Variants in ZDHHC12 observed in about 807,000 individuals in gnomAD.
The protein encoded by ZDHHC12 is zDHHC palmitoyltransferase 12.
In ZDHHC12, 26 loss-of-function variants were observed where a neutral mutation model predicts 33.2. The observed-to-expected ratio is 0.78, with a 90% CI of 0.57 to 1.09. ZDHHC12 has a LOEUF of 1.09. Among genes scored for constraint, ZDHHC12 ranks in the 50% least tolerant of loss-of-function variants. The probability of loss-of-function intolerance (pLI) is 0.00; values close to 1 mark genes in which losing one functional copy is unlikely to be tolerated. For missense variants in ZDHHC12, 350 were observed against 353.0 expected, an observed-to-expected ratio of 0.99 and a Z score of 0.07; for synonymous variants, 154 against 152.1, an observed-to-expected ratio of 1.01 and a Z score of -0.09.
Position 128,722,352 on chromosome 9 carries a change from C to T in ZDHHC12, c.237+86G>A, listed in dbSNP as rs1390580716. The T allele has an allele frequency of 9.0e-6, 13 of 1,438,256 alleles. No homozygotes were observed. Among genetic ancestry groups the T allele is most frequent in the Non-Finnish European group, 1.1e-5 (12 of 1,086,796 alleles). 89.1% of individuals were successfully genotyped at this position (1,438,256 alleles called of 1,614,324 possible). ...GCAAGAGGAGTCACTGAACTGCTCC[C>T]ACAAGAGCCTGCAGCACAGAGCCTG... On this transcript the variant is annotated intron_variant, in intron 2 of 4. Coordinates refer to ENST00000372663, the MANE Select transcript of ZDHHC12 (RefSeq NM_032799.5). This position sits in a 1 kb window ranked among gnomAD's most constrained non-coding sequence, Gnocchi z 4.2.
chr9:128,722,384 A>G lies in ZDHHC12; in HGVS notation c.237+54T>C. 1.4e-6 allele frequency: 2 copies of G among 1,456,996 alleles called. No homozygotes were observed. Among genetic ancestry groups the G allele is most frequent in the Non-Finnish European group, 1.8e-6 (2 of 1,102,080 alleles). The allele number at this position is 1,456,996 out of a possible 1,614,324, so 90.3% of individuals were successfully genotyped here. On this transcript the variant is annotated intron_variant, in intron 2 of 4. Coordinates refer to ENST00000372663, the MANE Select transcript of ZDHHC12 (RefSeq NM_032799.5). The surrounding 1 kb of genome is among the most constrained non-coding windows in gnomAD (Gnocchi z 4.2). ...GCCTGCAGCACAGAGCCTGGCATGG[A>G]GACTGGTGCTGGTTGTTAGGTCCCT...
At position 128,722,489 on chromosome 9, in the gene ZDHHC12, G is replaced by A. The variant is rs752444458; in HGVS notation, c.186C>T (p.Leu62=). Residue 62 remains leucine (L), a synonymous_variant, in exon 2 of 5, where the codon CTC becomes CTT. Transcript: ENST00000372663. This position sits in a 1 kb window ranked among gnomAD's most constrained non-coding sequence, Gnocchi z 4.2. ...LLVLGSLLLY[L]AVSLMDPGYV... Reference sequence around the variant, plus strand: ...AGCCAGGGTCCATGAGTGACACAGCGAGGTAGAGCAGCAGGGAGCCCAGCA... The same window carrying A: ...AGCCAGGGTCCATGAGTGACACAGCAAGGTAGAGCAGCAGGGAGCCCAGCA... 10 of 1,570,876 alleles carry A rather than the reference G, an allele frequency of 6.4e-6. No homozygotes were observed. The highest frequency in any genetic ancestry group is 1.8e-4 in the Middle Eastern group (1 of 5,682).
In ZDHHC12 at chr9:128,721,751, G is replaced by C. The variant is rs1211339609; in HGVS notation, c.382C>G (p.Pro128Ala). 6.2e-7 allele frequency: 1 copy of C among 1,613,746 alleles called. No homozygotes were observed. Among genetic ancestry groups the C allele is most frequent in the Non-Finnish European group, 8.5e-7 (1 of 1,180,006 alleles). ...RCVRRYDHHC[P>A]WMENCVGERN... ...TCTCCCACACAGTTCTCCATCCAGG[G>C]GCAGTGGTGGTCGTAGCGGCGGACG... The change falls in exon 4 of 5, where the codon CCC becomes GCC. Residue 128 changes from proline to alanine, a missense_variant. Physicochemically the swap from Pro to Ala is conservative, Grantham distance 27. Transcript: ENST00000372663. The surrounding 1 kb of genome is among the most constrained non-coding windows in gnomAD (Gnocchi z 6.9).
chr9:128,722,072 C>G lies in ZDHHC12; in HGVS notation c.252G>C (p.Glu84Asp), dbSNP rs1229221078. 5 of 1,613,926 alleles carry G rather than the reference C, an allele frequency of 3.1e-6. No individual in the cohort carries two copies. Among genetic ancestry groups the G allele is most frequent in the Non-Finnish European group, 3.4e-6 (4 of 1,180,000 alleles). The change falls in exon 3 of 5, where the codon GAG (glutamate) becomes GAC (aspartate). Residue 84 changes from glutamate to aspartate, a missense_variant. Physicochemically the swap from Glu to Asp is conservative, Grantham distance 45. Coordinates refer to ENST00000372663, the MANE Select transcript of ZDHHC12 (RefSeq NM_032799.5). This position sits in a 1 kb window ranked among gnomAD's most constrained non-coding sequence, Gnocchi z 4.2. ...CTGGAGGAACCATGGCTGTCTGCTCCTCTTTGAGCTCCTCCTGGAATGAGG... is the reference window on the plus strand; with the variant it reads ...CTGGAGGAACCATGGCTGTCTGCTCGTCTTTGAGCTCCTCCTGGAATGAGG... Reference protein sequence around the residue: ...VQPQPQEELKEEQTAMVPPAI... With the variant: ...VQPQPQEELKDEQTAMVPPAI...
Position 128,722,215 on chromosome 9 carries a change from G to A in ZDHHC12, c.238-129C>T. 2 of 1,246,578 alleles carry A rather than the reference G, an allele frequency of 1.6e-6. No homozygotes were observed. Among genetic ancestry groups the A allele is most frequent in the Non-Finnish European group, 2.3e-6 (2 of 876,376 alleles). 77.2% of individuals were successfully genotyped at this position (1,246,578 alleles called of 1,614,324 possible). A position where few individuals can be genotyped will look rare whatever the true frequency, so the allele number is the denominator to read the frequency against. Reference sequence around the variant, plus strand: ...GACCCATCCCATGCAGAATGGAGGTGTGGGGTATGGCGGAGCACCCTGGAC... The same window carrying A: ...GACCCATCCCATGCAGAATGGAGGTATGGGGTATGGCGGAGCACCCTGGAC... On this transcript the variant is annotated intron_variant, in intron 2 of 4. Transcript: ENST00000372663. This position sits in a 1 kb window ranked among gnomAD's most constrained non-coding sequence, Gnocchi z 4.2.
rs41275916 is a variant in ZDHHC12, at chr9:128,722,131, A to G, written c.238-45T>C. Reference sequence around the variant, plus strand: ...GTAAGACAGGGTCCCCTTGGGAGACAGATGGCATTGGCGGGCAGCTCCCCT... The same window carrying G: ...GTAAGACAGGGTCCCCTTGGGAGACGGATGGCATTGGCGGGCAGCTCCCCT... On this transcript the variant is annotated intron_variant, in intron 2 of 4. Transcript: ENST00000372663. The surrounding 1 kb of genome is among the most constrained non-coding windows in gnomAD (Gnocchi z 4.2). 33,401 of 1,611,128 alleles carry G rather than the reference A, an allele frequency of 0.021. 424 individuals are homozygous for G. The highest frequency in any genetic ancestry group is 0.024 in the Non-Finnish European group (28,517 of 1,177,624).
Position 128,724,097 on chromosome 9 carries a change from C to G in ZDHHC12, c.-4G>C, listed in dbSNP as rs753201772. The G allele has an allele frequency of 2.6e-6, 4 of 1,564,688 alleles. No individual in the cohort carries two copies. Among genetic ancestry groups the G allele is most frequent in the Non-Finnish European group, 3.5e-6 (4 of 1,151,816 alleles). ...TGAGGAGCGCCCAGGGCGCCATCGC[C>G]TCGGCCCGGGGCCCCACCCGGAAGA... On this transcript the variant is annotated 5_prime_UTR_variant, in exon 1 of 5. Coordinates refer to ENST00000372663, the MANE Select transcript of ZDHHC12 (RefSeq NM_032799.5).
rs369306989 is a variant in ZDHHC12, at chr9:128,724,088, C to T, written c.6G>A (p.Ala2=). 8.9e-6 allele frequency: 14 copies of T among 1,579,412 alleles called. No homozygotes were observed. The highest frequency in any genetic ancestry group is 1.4e-5 in the African/African-American group (1 of 73,886). The change falls in exon 1 of 5, where the codon GCG becomes GCA. Residue 2 remains alanine, a synonymous_variant. Coordinates refer to ENST00000372663, the MANE Select transcript of ZDHHC12 (RefSeq NM_032799.5). M[A]PWALLSPGVL... is the part of the protein sequence containing the mutation. ...CCCCAGGGCTGAGGAGCGCCCAGGG[C>T]GCCATCGCCTCGGCCCGGGGCCCCA...
Position 128,722,609 on chromosome 9 carries a change from G to T in ZDHHC12, c.101-35C>A. 6.3e-7 allele frequency: 1 copy of T among 1,580,416 alleles called. No individual in the cohort carries two copies. The highest frequency in any genetic ancestry group is 1.2e-5 in the South Asian group (1 of 86,648). On this transcript the variant is annotated intron_variant, in intron 1 of 4. Coordinates refer to ENST00000372663, the MANE Select transcript of ZDHHC12 (RefSeq NM_032799.5). The surrounding 1 kb of genome is among the most constrained non-coding windows in gnomAD (Gnocchi z 4.2). ...CCGGAGAGCACAGTGAGGCTGGGCC[G>T]GGTAGAACAGGAGTGGGTGGGGTTG... is the stretch of plus-strand genomic sequence containing the variant.
In ZDHHC12 at chr9:128,724,110, C is replaced by T. The variant is rs1862657518; in HGVS notation, c.-17G>A. On this transcript the variant is annotated 5_prime_UTR_variant, in exon 1 of 5. Coordinates refer to ENST00000372663, the MANE Select transcript of ZDHHC12 (RefSeq NM_032799.5). ...GGGCGCCATCGCCTCGGCCCGGGGC[C>T]CCACCCGGAAGAAGCGCCCAGAGGG... is the stretch of plus-strand genomic sequence containing the variant. 5 of 1,528,626 alleles carry T rather than the reference C, an allele frequency of 3.3e-6. No individual in the cohort carries two copies. The highest frequency in any genetic ancestry group is 1.8e-4 in the Middle Eastern group (1 of 5,506). 94.7% of individuals were successfully genotyped at this position (1,528,626 alleles called of 1,614,324 possible).
chr9:128,722,314 G>C lies in ZDHHC12; in HGVS notation c.237+124C>G, dbSNP rs760029505. 3.3e-5 allele frequency: 42 copies of C among 1,266,466 alleles called. No individual in the cohort carries two copies. The highest frequency in any genetic ancestry group is 5.6e-5 in the Admixed American group (2 of 35,470). The allele number at this position is 1,266,466 out of a possible 1,614,324, so 78.5% of individuals were successfully genotyped here. On this transcript the variant is annotated intron_variant, in intron 2 of 4. Coordinates refer to ENST00000372663, the MANE Select transcript of ZDHHC12 (RefSeq NM_032799.5). The surrounding 1 kb of genome is among the most constrained non-coding windows in gnomAD (Gnocchi z 4.2). ...GCAGTTTCCTCACTACTGTAGATGG[G>C]GCTCTAGGGGTGGCAAGAGGAGTCA...
chr9:128,722,649 G>T lies in ZDHHC12; in HGVS notation c.101-75C>A. On this transcript the variant is annotated intron_variant, in intron 1 of 4. Transcript: ENST00000372663. The surrounding 1 kb of genome is among the most constrained non-coding windows in gnomAD (Gnocchi z 4.2). ...GGGTGGGGTTGGGGTGCAGTTGGAG[G>T]TGGGGAAGTGTGTTCCTGGCTGAGC... 6.5e-7 allele frequency: 1 copy of T among 1,541,980 alleles called. No homozygotes were observed. Among genetic ancestry groups the T allele is most frequent in the Admixed American group, 2.0e-5 (1 of 50,012 alleles).
chr9:128,722,833 G>A lies in ZDHHC12; in HGVS notation c.101-259C>T, dbSNP rs1862611005. 3 of 1,208,132 alleles carry A rather than the reference G, an allele frequency of 2.5e-6. No homozygotes were observed. Among genetic ancestry groups the A allele is most frequent in the Non-Finnish European group, 3.3e-6 (3 of 919,888 alleles). 74.8% of individuals were successfully genotyped at this position (1,208,132 alleles called of 1,614,324 possible). ...GAAATGGATCAGGGGAAGCCTGGGG[G>A]CAGAGAATCTGGCCAGGAGGAAGAA... On this transcript the variant is annotated intron_variant, in intron 1 of 4. Transcript: ENST00000372663. This position sits in a 1 kb window ranked among gnomAD's most constrained non-coding sequence, Gnocchi z 4.2.
In ZDHHC12 at chr9:128,721,727, C is replaced by T. The variant is rs747854320; in HGVS notation, c.406G>A (p.Glu136Lys). 12 of 1,613,796 alleles carry T rather than the reference C, an allele frequency of 7.4e-6. No individual in the cohort carries two copies. The highest frequency in any genetic ancestry group is 1.0e-5 in the Non-Finnish European group (12 of 1,180,008). The change falls in exon 4 of 5, where the codon GAG becomes AAG. Residue 136 changes from glutamate (E) to lysine (K), a missense_variant. By Grantham distance (56) the Glu-to-Lys change is moderately conservative. Coordinates refer to ENST00000372663, the MANE Select transcript of ZDHHC12 (RefSeq NM_032799.5). The surrounding 1 kb of genome is among the most constrained non-coding windows in gnomAD (Gnocchi z 6.9). ...HCPWMENCVG[E>K]RNHPLFVVYL... ...ACCACAAAGAGTGGGTGGTTGCGCTCTCCCACACAGTTCTCCATCCAGGGG... is the reference window on the plus strand; with the variant it reads ...ACCACAAAGAGTGGGTGGTTGCGCTTTCCCACACAGTTCTCCATCCAGGGG...
Position 128,721,266 on chromosome 9 carries a change from G to T in ZDHHC12, c.719C>A (p.Ala240Asp). ...PFDRGLTRNL[A>D]HFFCGWPSGS... ...TGAGGGCCATCCACAGAAGAAGTGG[G>T]CCAGGTTGCGGGTCAGGCCTCGGTC... The change falls in exon 5 of 5, where the codon GCC (alanine) becomes GAC (aspartate). Residue 240 changes from alanine to aspartate, a missense_variant. By Grantham distance (126) the Ala-to-Asp change is moderately radical. Transcript: ENST00000372663. The surrounding 1 kb of genome is among the most constrained non-coding windows in gnomAD (Gnocchi z 6.9). 6.2e-7 allele frequency: 1 copy of T among 1,603,964 alleles called. No homozygotes were observed.
Position 128,724,075 on chromosome 9 carries a change from G to T in ZDHHC12, c.19C>A (p.Leu7Ile). Residue 7 changes from leucine to isoleucine, a missense_variant, in exon 1 of 5, where the codon CTC (leucine) becomes ATC (isoleucine). Coordinates refer to ENST00000372663, the MANE Select transcript of ZDHHC12 (RefSeq NM_032799.5). MAPWALLSPGVLVRTGH... is the reference protein window; with the variant it reads MAPWALISPGVLVRTGH... Reference sequence around the variant, plus strand: ...GTCCGCACCAGGACCCCAGGGCTGAGGAGCGCCCAGGGCGCCATCGCCTCG... The same window carrying T: ...GTCCGCACCAGGACCCCAGGGCTGATGAGCGCCCAGGGCGCCATCGCCTCG... 6.3e-7 allele frequency: 1 copy of T among 1,594,388 alleles called. No individual in the cohort carries two copies.
At position 128,722,300 on chromosome 9, in the gene ZDHHC12, A is replaced by C; in HGVS notation, c.237+138T>G. ...TTCTCTGGGGCCCAGCAGTTTCCTCACTACTGTAGATGGGGCTCTAGGGGT... is the reference window on the plus strand; with the variant it reads ...TTCTCTGGGGCCCAGCAGTTTCCTCCCTACTGTAGATGGGGCTCTAGGGGT... On this transcript the variant is annotated intron_variant, in intron 2 of 4. Transcript: ENST00000372663. The surrounding 1 kb of genome is among the most constrained non-coding windows in gnomAD (Gnocchi z 4.2). 8.2e-7 allele frequency: 1 copy of C among 1,214,852 alleles called. No homozygotes were observed. The highest frequency in any genetic ancestry group is 2.8e-5 in the Admixed American group (1 of 36,036). The allele number at this position is 1,214,852 out of a possible 1,614,324, so 75.3% of individuals were successfully genotyped here. A position where few individuals can be genotyped will look rare whatever the true frequency, so the allele number is the denominator to read the frequency against.
rs1862524895 is a variant in ZDHHC12, at chr9:128,720,945, G to T, written c.*236C>A. On this transcript the variant is annotated 3_prime_UTR_variant, in exon 5 of 5. Coordinates refer to ENST00000372663, the MANE Select transcript of ZDHHC12 (RefSeq NM_032799.5). The surrounding 1 kb of genome is among the most constrained non-coding windows in gnomAD (Gnocchi z 5.5). ...ACTGGCAGCAGCCTGGGCGGGGCTG[G>T]GGTGGAGCCCGGGGTCTGCTTGGGC... 1.7e-6 allele frequency: 1 copy of T among 593,472 alleles called. No individual in the cohort carries two copies. Among genetic ancestry groups the T allele is most frequent in the Non-Finnish European group, 2.9e-6 (1 of 340,904 alleles). The allele number at this position is 593,472 out of a possible 1,614,324, so 36.8% of individuals were successfully genotyped here. A position where few individuals can be genotyped will look rare whatever the true frequency, so the allele number is the denominator to read the frequency against.
At position 128,721,437 on chromosome 9, in the gene ZDHHC12, G is replaced by C; in HGVS notation, c.548C>G (p.Thr183Ser). 6.3e-7 allele frequency: 1 copy of C among 1,585,964 alleles called. No homozygotes were observed. The highest frequency in any genetic ancestry group is 8.6e-7 in the Non-Finnish European group (1 of 1,166,702). ...WLRSSGLLFATFLLLSLFSLV... is the reference protein window; with the variant it reads ...WLRSSGLLFASFLLLSLFSLV... ...CGAGAAGAGGGACAGCAGCAGGAAGGTGGCGAACAGGAGCCCGCTGGACCG... is the reference window on the plus strand; with the variant it reads ...CGAGAAGAGGGACAGCAGCAGGAAGCTGGCGAACAGGAGCCCGCTGGACCG... The change falls in exon 5 of 5, where the codon ACC becomes AGC. Residue 183 changes from threonine to serine, a missense_variant. By Grantham distance (58) the Thr-to-Ser change is moderately conservative. Transcript: ENST00000372663. The surrounding 1 kb of genome is among the most constrained non-coding windows in gnomAD (Gnocchi z 6.9).
Sources: allele counts gnomAD v4.1 joint callset, GRCh38; gene constraint gnomAD v4.1.1; non-coding constraint Gnocchi (gnomAD v3.1); transcripts MANE v1.5; gene names NCBI Gene and HGNC (gene_info 2026-07-23, HGNC 2026-07-21).